Variants in MAP3K13 observed in about 807,000 individuals in gnomAD.
MAP3K13 encodes mitogen-activated protein kinase kinase kinase 13, also known as leucine zipper-bearing kinase.
A neutral mutation model predicts 104.0 loss-of-function variants in MAP3K13; 52 were observed. The observed-to-expected ratio is 0.50, with a 90% CI of 0.40 to 0.63. The LOEUF (loss-of-function observed/expected upper bound fraction) is 0.63. MAP3K13 is among the 20% of genes least tolerant of loss of function. The pLI is 0.00. For missense variants in MAP3K13, 914 were observed against 1,218.5 expected (o/e 0.75, Z 3.72); for synonymous variants, 394 against 442.2 (o/e 0.89, Z 1.37).
chr3:185,309,190 C>T (rs1191017153), intron 2 of MAP3K13, among the ~76,000 whole-genome samples: 3 of 152,022 alleles, frequency 2.0e-5, no homozygotes, highest in African/African-American at 7.3e-5. Flanking sequence ...CATAACTGAA[C>T]CTACAATAAC....
chr3:185,389,924 T>G lies in MAP3K13; in HGVS notation c.-86+26556T>G, dbSNP rs1179598444. 5.3e-5 allele frequency among the ~76,000 whole-genome samples: 8 copies of G among 152,162 alleles called. No homozygotes were observed. In the East Asian group the frequency reaches 7.7e-4, roughly 15 times the overall value. On this transcript the variant is annotated intron_variant, in intron 1 of 13. Transcript: ENST00000265026. ...CAATTTTTTGTGAGGAGAGTGGTAT[T>G]GTGAAAAGAGGTCTTTGCAAATGTC...
chr3:185,377,106 C>T (rs556977841), intron 1 of MAP3K13, among the ~76,000 whole-genome samples: 13 of 152,130 alleles, frequency 8.5e-5, no homozygotes, highest in African/African-American at 3.1e-4. Flanking sequence ...TCATGGGGTG[C>T]ATAGGCAAGA....
intron 2 of MAP3K13, among the ~76,000 whole-genome samples, chr3:185,291,143 T>G (rs966089502): frequency 1.3e-5 from 2 of 152,256 alleles, no homozygotes; most frequent in Non-Finnish European, 2.9e-5. Context: ...ACAATATTTT[T>G]GAACCATAAT....
chr3:185,474,897 C>T (rs1212799058), intron 11 of MAP3K13, among the ~76,000 whole-genome samples: 8 of 152,156 alleles, frequency 5.3e-5, no homozygotes, highest in African/African-American at 1.9e-4. Context: ...GAGTTCAAGA[C>T]CAGCCTGGCC....
At chr3:185,309,596 T>C (rs1267937145) in intron 2 of MAP3K13, among the ~76,000 whole-genome samples, 1 of 151,826 alleles carries the variant, frequency 6.6e-6, no homozygotes, top group East Asian at 1.9e-4. Flanking sequence ...TCTTTAGCGA[T>C]ACATAATTAC....
rs376149616 is a variant in MAP3K13 at position 185,455,533 on chromosome 3, GAT to G, written c.1278+4145_1278+4146del. 2.6e-3 allele frequency among the ~76,000 whole-genome samples: 6 copies of G among 2,286 alleles called. 1 individual carries two copies. The highest frequency in any genetic ancestry group is 4.9e-3 in the African/African-American group (6 of 1,234). 1.5% of individuals were successfully genotyped at this position (2,286 alleles called of 152,430 possible). On this transcript the variant is annotated intron_variant, in intron 7 of 13. Transcript: ENST00000265026. ...TATGAGATATATATGATATATATGA[GAT>G]ATATATGACATATATATGATATATA...
intron 2 of MAP3K13, chr3:185,328,986 A>G (rs946405160): frequency 4.1e-5 from 19 of 466,362 alleles, no homozygotes; most frequent in Non-Finnish European, 3.1e-5. Flanking sequence ...TTTAAAAAAA[A>G]CTATTATGAC....
intron 2 of MAP3K13, among the ~76,000 whole-genome samples, chr3:185,297,734 CAAA>C (rs59750658): frequency 3.9e-5 from 2 of 51,318 alleles, no homozygotes; most frequent in Non-Finnish European, 5.3e-5. Flanking sequence ...GACTCCGTCT[CAAA>C]AAAAAAAAAA....
chr3:185,466,277 T>C (rs747613635), intron 9 of MAP3K13, among the ~76,000 whole-genome samples: 7 of 152,114 alleles, frequency 4.6e-5, no homozygotes, highest in Non-Finnish European at 1.0e-4. Context: ...TCTGTCATTG[T>C]ATTATGTTGG....
chr3:185,428,770 C>T lies in MAP3K13; in HGVS notation c.189C>T (p.Pro63=), dbSNP rs758088448. ...AGCTAATCGAGAGCGTGCACAGCCC[C>T]GTCACCACAACAGTGTTGACGAGCG... ...RTELIESVHS[P]VTTTVLTSVS... Residue 63 remains proline, a synonymous_variant, in exon 2 of 14, where the codon CCC becomes CCT. Coordinates refer to ENST00000265026, the MANE Select transcript of MAP3K13 (RefSeq NM_004721.5). 8.1e-6 allele frequency: 13 copies of T among 1,614,024 alleles called. No homozygotes were observed. Among genetic ancestry groups the T allele is most frequent in the East Asian group, 2.2e-5 (1 of 44,888 alleles).
At chr3:185,331,596 C>A (rs943544048) in intron 2 of MAP3K13, among the ~76,000 whole-genome samples, 25 of 152,064 alleles carry the variant, frequency 1.6e-4, no homozygotes, top group African/African-American at 5.1e-4. Flanking sequence ...AGGATAGTGC[C>A]TGCTTGACAT....
At chr3:185,335,069 A>G (rs1314300385) in intron 2 of MAP3K13, among the ~76,000 whole-genome samples, 1 of 152,150 alleles carries the variant, frequency 6.6e-6, no homozygotes, top group Non-Finnish European at 1.5e-5. Context: ...TGGGTTATGC[A>G]AAGATTTCTT....
intron 2 of MAP3K13, among the ~76,000 whole-genome samples, chr3:185,348,105 T>G (rs1723004188): frequency 1.3e-5 from 2 of 152,054 alleles, no homozygotes; most frequent in African/African-American, 4.8e-5. Flanking sequence ...AGCAGTGAGC[T>G]CCAACAAATA....
At chr3:185,435,826 C>A (rs1159744097) in intron 2 of MAP3K13, among the ~76,000 whole-genome samples, 1 of 152,174 alleles carries the variant, frequency 6.6e-6, no homozygotes, top group East Asian at 1.9e-4. Context: ...AAGTGTAGCT[C>A]ACTTCTAGAG....
At position 185,463,317 on chromosome 3, in the gene MAP3K13, G is replaced by A. The variant is rs147027893; in HGVS notation, c.1279-233G>A. ...CATAGCCAGTGCTGGAGGAAAACTCGGAAAAACACAGCATCATATATTGGA... is the reference window on the plus strand; with the variant it reads ...CATAGCCAGTGCTGGAGGAAAACTCAGAAAAACACAGCATCATATATTGGA... On this transcript the variant is annotated intron_variant, in intron 7 of 13. Transcript: ENST00000265026. 2.5e-4 allele frequency among the ~76,000 whole-genome samples: 38 copies of A among 152,270 alleles called. No individual in the cohort carries two copies. The East Asian group carries it at 2.7e-3, about 11-fold the overall frequency.
intron 2 of MAP3K13, among the ~76,000 whole-genome samples, chr3:185,433,573 A>G (rs1714865961): frequency 6.6e-6 from 1 of 152,216 alleles, no homozygotes. Context: ...CTAAATTCAT[A>G]TCAATCGATT....
chr3:185,399,633 GGGGGGGGAGGGA>G (rs1425605845), intron 1 of MAP3K13, among the ~76,000 whole-genome samples: 1 of 11,600 alleles, frequency 8.6e-5, no homozygotes, highest in African/African-American at 2.8e-4. Context: ...AGGCGGGGGG[GGGGGGGGAGGGA>G]GGGAGGAAAA....
intron 2 of MAP3K13, among the ~76,000 whole-genome samples, chr3:185,433,912 A>G (rs1714883479): frequency 6.6e-6 from 1 of 152,232 alleles, no homozygotes; most frequent in Non-Finnish European, 1.5e-5. Flanking sequence ...CAATGTAAGT[A>G]TCCTAAAGCA....
chr3:185,425,751 G>T (rs1714373342), intron 1 of MAP3K13, among the ~76,000 whole-genome samples: 1 of 152,076 alleles, frequency 6.6e-6, no homozygotes, highest in East Asian at 1.9e-4. Context: ...CATACTACCT[G>T]GAATGCCTAG....
Sources: gnomAD v4.1 joint callset for allele counts (sites outside exome capture counted in the v4.1 genomes callset) on GRCh38, gnomAD v4.1.1 for gene constraint, MANE v1.5 for transcripts, NCBI Gene and HGNC (gene_info 2026-07-23, HGNC 2026-07-21) for gene names.